Variants in PIGB observed in about 807,000 individuals in gnomAD.
The protein encoded by PIGB is GPI alpha-1,2-mannosyltransferase 3.
Under a neutral mutation model 68.4 loss-of-function variants are expected in PIGB, and 58 were observed. That is an observed-to-expected ratio of 0.85 (90% CI 0.69 to 1.06). The LOEUF is 1.06. Among genes scored for constraint, PIGB ranks in the 50% least tolerant of loss-of-function variants. The pLI is 0.00. For missense variants in PIGB, 634 were observed against 655.8 expected (o/e 0.97, Z 0.36); for synonymous variants, 219 against 220.5 (o/e 0.99, Z 0.06).
At chr15:55,347,882 T>G (rs1024667932) in intron 9 of PIGB, among the ~76,000 whole-genome samples, 2 of 151,918 alleles carry the variant, frequency 1.3e-5, no homozygotes, top group African/African-American at 4.8e-5. Context: ...CATGTTATCT[T>G]CCAGCATTCT....
At chr15:55,347,308 C>G (rs759161902) in intron 9 of PIGB, among the ~76,000 whole-genome samples, 6 of 152,182 alleles carry the variant, frequency 3.9e-5, no homozygotes, top group Non-Finnish European at 8.8e-5. Context: ...CACCTGTAAT[C>G]CCAGCTACCC....
At chr15:55,354,011 C>T (rs893215137) in intron 10 of PIGB, among the ~76,000 whole-genome samples, 2 of 112,976 alleles carry the variant, frequency 1.8e-5, no homozygotes, top group African/African-American at 1.1e-4. Flanking sequence ...AAAAAAAAAA[C>T]ACTTCAAACT....
At chr15:55,337,801 T>C (rs2055570908) in intron 6 of PIGB, among the ~76,000 whole-genome samples, 1 of 152,118 alleles carries the variant, frequency 6.6e-6, no homozygotes, top group Admixed American at 6.6e-5. Flanking sequence ...AAGGAATACA[T>C]ACAGTGTGGT....
intron 10 of PIGB, among the ~76,000 whole-genome samples, chr15:55,352,176 G>A (rs968490533): frequency 6.6e-6 from 1 of 151,774 alleles, no homozygotes; most frequent in East Asian, 2.0e-4. Flanking sequence ...TCGAACTCCC[G>A]ACCTCAGGTG....
At chr15:55,343,280 C>T (rs933722709) in intron 9 of PIGB, 3 of 152,166 alleles carry the variant, frequency 2.0e-5, no homozygotes, top group Non-Finnish European at 2.9e-5. Flanking sequence ...AGCTATTTGG[C>T]AAGCCTTAAG....
intron 6 of PIGB, among the ~76,000 whole-genome samples, chr15:55,337,126 G>T (rs550974993): frequency 7.9e-5 from 12 of 151,438 alleles, no homozygotes; most frequent in African/African-American, 2.9e-4. Flanking sequence ...AATATAAAGA[G>T]ACTCATTTCA....
At chr15:55,342,915 A>C (rs2055704236) in intron 9 of PIGB, among the ~76,000 whole-genome samples, 1 of 152,180 alleles carries the variant, frequency 6.6e-6, no homozygotes, top group Non-Finnish European at 1.5e-5. Flanking sequence ...GACTTCCTTC[A>C]AATATTAAGA....
intron 9 of PIGB, among the ~76,000 whole-genome samples, chr15:55,346,980 C>A (rs1033006690): frequency 2.0e-5 from 3 of 152,162 alleles, no homozygotes; most frequent in Non-Finnish European, 4.4e-5. Context: ...GGTTTAAAAA[C>A]CCCTCAGAGG....
chr15:55,342,391 T>C (rs937704130), intron 9 of PIGB, among the ~76,000 whole-genome samples: 1 of 152,142 alleles, frequency 6.6e-6, no homozygotes, highest in African/African-American at 2.4e-5. Context: ...GCATATGCAA[T>C]TATTATTATT....
rs2056047079 is a variant in PIGB, at chr15:55,355,151, T to G, written c.1519-135T>G. ...CCAGTTCTGTAACTATCAAAGTATT[T>G]TACTTCCTATAAGTTAATTCTTTTA... is the stretch of plus-strand genomic sequence containing the variant. On this transcript the variant is annotated intron_variant, in intron 11 of 11. Coordinates refer to ENST00000164305, the MANE Select transcript of PIGB (RefSeq NM_004855.5). The G allele has an allele frequency of 9.3e-5, 82 of 882,914 alleles. 1 individual carries two copies. The South Asian group carries it at 1.4e-3, about 16-fold the overall frequency. 54.7% of individuals were successfully genotyped at this position (882,914 alleles called of 1,614,324 possible).
At chr15:55,321,642 CTTTCTT>C (rs1273533831) in intron 3 of PIGB, among the ~76,000 whole-genome samples, 7 of 106,312 alleles carry the variant, frequency 6.6e-5, no homozygotes, top group East Asian at 3.1e-4. Flanking sequence ...AAGTATACTT[CTTTCTT>C]TTTTTTTTTT....
chr15:55,350,953 AACTG>A (rs779920968), intron 10 of PIGB, 41 bp downstream of exon 10: 4 of 989,340 alleles, frequency 4.0e-6, no homozygotes, highest in South Asian at 1.5e-5. Flanking sequence ...AAGAAACTGA[AACTG>A]ACTACTTTAA....
At chr15:55,319,533 C>G in intron 1 of PIGB, 120 bp downstream of exon 1, 1 of 660,594 alleles carries the variant, frequency 1.5e-6, no homozygotes, top group Non-Finnish European at 2.5e-6. Flanking sequence ...TTTTGAAATG[C>G]TGGGAAATGC....
chr15:55,338,283 G>A (rs1268151100), intron 6 of PIGB, among the ~76,000 whole-genome samples: 5 of 152,128 alleles, frequency 3.3e-5, no homozygotes, highest in Non-Finnish European at 7.3e-5. Context: ...GGCTAGATTT[G>A]TCGACTCAAT....
intron 6 of PIGB, 105 bp downstream of exon 6, chr15:55,334,112 A>T: frequency 1.4e-6 from 1 of 725,702 alleles, no homozygotes; most frequent in Non-Finnish European, 2.1e-6. Flanking sequence ...TCTAATGTCA[A>T]TGAGAACTCT....
intron 5 of PIGB, among the ~76,000 whole-genome samples, chr15:55,330,132 G>A (rs1312424329): frequency 6.6e-6 from 1 of 152,200 alleles, no homozygotes; most frequent in Admixed American, 6.5e-5. Flanking sequence ...TAGGAAGTCT[G>A]TATTATCTCT....
At chr15:55,330,494 G>T (rs1275412810) in intron 5 of PIGB, among the ~76,000 whole-genome samples, 1 of 152,226 alleles carries the variant, frequency 6.6e-6, no homozygotes, top group East Asian at 1.9e-4. Context: ...ATGAGTGAAG[G>T]CATAGAACTG....
In PIGB at chr15:55,320,419, T is replaced by C. The variant is rs746918307; in HGVS notation, c.299+9T>C. On this transcript the variant is annotated intron_variant, in intron 2 of 11. Coordinates refer to ENST00000164305, the MANE Select transcript of PIGB (RefSeq NM_004855.5). The stretch of plus-strand genomic sequence containing the variant: ...CATCACATGGTTTTCAAATATCCTT[T>C]GTGGTTTCTTTTCCAGACTATGAGT... The C allele has an allele frequency of 6.2e-7, 1 of 1,611,678 alleles. No homozygotes were observed. The highest frequency in any genetic ancestry group is 8.5e-7 in the Non-Finnish European group (1 of 1,179,200).
chr15:55,321,299 CAG>C lies in PIGB; in HGVS notation c.332_333del (p.Arg111ThrfsTer24), dbSNP rs1491289780. 2 of 1,604,046 alleles carry C rather than the reference CAG, an allele frequency of 1.2e-6. No individual in the cohort carries two copies. The highest frequency in any genetic ancestry group is 1.7e-6 in the Non-Finnish European group (2 of 1,173,454). On this transcript the variant is annotated frameshift_variant, in exon 3 of 12. Transcript: ENST00000164305. LOFTEE classifies it high-confidence loss of function. The stretch of plus-strand genomic sequence containing the variant: ...TATGGTTATTTGACTTGGGAATGGA[CAG>C]AGAGACTGAGGAGTTACACTTATCC...
Sources: allele counts gnomAD v4.1 joint callset (sites outside exome capture counted in the v4.1 genomes callset), GRCh38; gene constraint gnomAD v4.1.1; transcripts MANE v1.5; gene names NCBI Gene and HGNC (gene_info 2026-07-23, HGNC 2026-07-21).